The following USP9X variants were observed in gnomAD, a reference collection of about 807,000 sequenced individuals.
The protein encoded by USP9X is ubiquitin carboxyl-terminal hydrolase 9X.
In USP9X, 7 loss-of-function variants were observed where a neutral mutation model predicts 190.3. That is an observed-to-expected ratio of 0.04 (90% CI 0.02 to 0.07). The LOEUF (loss-of-function observed/expected upper bound fraction) is 0.07, where lower values mean the gene tolerates loss of function less well. Ranked by LOEUF, USP9X falls within the 10% of genes least tolerant of loss-of-function variation. The probability of loss-of-function intolerance (pLI) is 1.00; values close to 1 mark genes in which losing one functional copy is unlikely to be tolerated. For synonymous variants in USP9X, 645 were observed against 659.5 expected (o/e 0.98, Z 0.34); for missense variants, 1,010 against 1,916.9 (o/e 0.53, Z 8.83).
intron 28 of USP9X, among the ~76,000 whole-genome samples, chrX:41,197,005 A>T (rs1436542864): frequency 3.6e-5 from 4 of 112,031 alleles, no homozygotes; most frequent in Admixed American, 2.8e-4. Flanking sequence ...CTTTTTGCAA[A>T]TTCTAATTTT....
intron 2 of USP9X, among the ~76,000 whole-genome samples, chrX:41,124,529 C>T (rs1050029796): frequency 2.8e-5 from 3 of 108,952 alleles, no homozygotes; most frequent in South Asian, 3.9e-4. Flanking sequence ...GTATGTAGTC[C>T]GTCTTTTTCT....
intron 41 of USP9X, among the ~76,000 whole-genome samples, chrX:41,226,734 A>G (rs746149696): frequency 4.4e-5 from 5 of 112,518 alleles, no homozygotes; most frequent in African/African-American, 1.6e-4. Context: ...GGCAGTATTC[A>G]GTGCCCTTCT....
chrX:41,229,166 CATT>C (rs2063340467), intron 41 of USP9X, 84 bp from the exon 42 acceptor site: 10 of 646,691 alleles, frequency 1.5e-5, no homozygotes, highest in South Asian at 4.1e-5. Flanking sequence ...GACTAAAAGA[CATT>C]ATTGAGTGGC....
At chrX:41,220,593 ATAAG>A (rs1488026932) in intron 38 of USP9X, among the ~76,000 whole-genome samples, 1 of 112,529 alleles carries the variant, frequency 8.9e-6, no homozygotes, top group Non-Finnish European at 1.9e-5. Context: ...AATAAAGACT[ATAAG>A]TAGCCTTTAG....
Position 41,141,450 on chromosome X carries a change from C to T in USP9X, c.1161+19C>T, listed in dbSNP as rs1307669686. The stretch of plus-strand genomic sequence containing the variant: ...AATGGCAGTGAGTCTTTCAGTTCTT[C>T]TTCATAGGAATAAGAATCTACTTAA... On this transcript the variant is annotated intron_variant, in intron 9 of 44. Coordinates refer to ENST00000378308, the MANE Select transcript of USP9X (RefSeq NM_001039591.3). 2.6e-6 allele frequency: 3 copies of T among 1,144,048 alleles called. No homozygotes were observed. The highest frequency in any genetic ancestry group is 4.6e-5 in the South Asian group (2 of 43,616). The allele number at this position is 1,144,048 out of a possible 1,213,427, so 94.3% of individuals were successfully genotyped here.
intron 5 of USP9X, among the ~76,000 whole-genome samples, chrX:41,135,260 A>G (rs1339191727): frequency 9.0e-6 from 1 of 111,407 alleles, no homozygotes; most frequent in East Asian, 2.8e-4. Context: ...CTATGCAGAA[A>G]GGGACAGCAA....
At chrX:41,089,823 C>G (rs2061940517) in intron 1 of USP9X, among the ~76,000 whole-genome samples, 2 of 107,953 alleles carry the variant, frequency 1.9e-5, no homozygotes, top group South Asian at 8.0e-4. Flanking sequence ...GTCTCTTAAT[C>G]CCCTTGGTCC....
chrX:41,138,056 G>C (rs2062390731), intron 6 of USP9X, among the ~76,000 whole-genome samples: 5 of 111,016 alleles, frequency 4.5e-5, no homozygotes. Context: ...GATTGTGAGA[G>C]TGTTAGCCTT....
chrX:41,198,546 A>G lies in USP9X; in HGVS notation c.4399A>G (p.Ile1467Val), dbSNP rs1468267515. ...NLIKELIDDF[I>V]FPASNVYLQY... is the part of the protein sequence containing the mutation. ...TTTTTAGGAATTAATTGATGATTTC[A>G]TATTTCCTGCATCCAATGTTTACCT... Residue 1467 changes from isoleucine (I) to valine (V), a missense_variant, in exon 30 of 45, where the codon ATA (isoleucine) becomes GTA (valine). By Grantham distance (29) the Ile-to-Val change is conservative (BLOSUM62 3). This residue lies in a region of USP9X where 351 missense variants were observed against 480.8 expected (regional missense o/e 0.73). Transcript: ENST00000378308. 2 of 1,203,762 alleles carry G rather than the reference A, an allele frequency of 1.7e-6. No homozygotes were observed. Among genetic ancestry groups the G allele is most frequent in the Non-Finnish European group, 2.2e-6 (2 of 891,522 alleles).
At chrX:41,128,891 C>A in intron 2 of USP9X, 109 bp from the exon 3 acceptor site, 1 of 828,964 alleles carries the variant, frequency 1.2e-6, no homozygotes, top group Non-Finnish European at 1.7e-6. Flanking sequence ...ATATGTAGGG[C>A]TATTTACAAA....
chrX:41,089,388 A>G (rs2061936438), intron 1 of USP9X, among the ~76,000 whole-genome samples: 1 of 111,993 alleles, frequency 8.9e-6, no homozygotes, highest in African/African-American at 3.3e-5. Context: ...AGAGTAAGTT[A>G]AGATATAGTT....
intron 27 of USP9X, 101 bp from the exon 28 acceptor site, chrX:41,196,491 C>T (rs2062985721): frequency 1.3e-5 from 14 of 1,092,153 alleles, no homozygotes; most frequent in Non-Finnish European, 1.7e-5. Flanking sequence ...ACTTTATTTC[C>T]CGCACTGTGG....
At chrX:41,094,594 G>A (rs1170297418) in intron 1 of USP9X, among the ~76,000 whole-genome samples, 1 of 111,607 alleles carries the variant, frequency 9.0e-6, no homozygotes, top group African/African-American at 3.3e-5. Context: ...CTACCTTACT[G>A]TGATTGAATT....
chrX:41,160,058 C>T (rs1200920329), intron 14 of USP9X, among the ~76,000 whole-genome samples: 1 of 107,798 alleles, frequency 9.3e-6, no homozygotes, highest in Non-Finnish European at 1.9e-5. Flanking sequence ...TAAAATGGGC[C>T]CTAGAAAACT....
chrX:41,090,258 A>T (rs2061945716), intron 1 of USP9X, among the ~76,000 whole-genome samples: 1 of 110,568 alleles, frequency 9.0e-6, no homozygotes, highest in East Asian at 2.8e-4. Context: ...TTTTTGTTAA[A>T]TTATAGAAAA....
chrX:41,104,625 A>G (rs751944095), intron 1 of USP9X, among the ~76,000 whole-genome samples: 41 of 111,570 alleles, frequency 3.7e-4, no homozygotes, highest in African/African-American at 1.2e-3. Flanking sequence ...GAAGATTCAA[A>G]AATAAGAATT....
intron 31 of USP9X, 154 bp from the exon 32 acceptor site, chrX:41,205,149 G>A (rs897372530): frequency 1.2e-5 from 5 of 422,928 alleles, no homozygotes; most frequent in Non-Finnish European, 2.0e-5. Flanking sequence ...AAATGGTGGG[G>A]ATAAACACTA....
chrX:41,134,939 T>C (rs2062358504), intron 5 of USP9X, 102 bp downstream of exon 5: 1 of 611,839 alleles, frequency 1.6e-6, no homozygotes, highest in African/African-American at 2.3e-5. Flanking sequence ...TATTCTGTTA[T>C]AATTGAATTA....
chrX:41,143,180 A>G, intron 9 of USP9X, 111 bp from the exon 10 acceptor site: 2 of 548,458 alleles, frequency 3.6e-6, no homozygotes, highest in Non-Finnish European at 5.3e-6. Context: ...CCAGTATTAT[A>G]TTTTGTAAAT....
Sources: gnomAD v4.1 joint callset for allele counts (sites outside exome capture counted in the v4.1 genomes callset) on GRCh38, gnomAD v4.1.1 for gene constraint, gnomAD v4.1.1 regional missense constraint, MANE v1.5 for transcripts, NCBI Gene and HGNC (gene_info 2026-07-23, HGNC 2026-07-21) for gene names.